BNC2: variants seen among roughly 807,000 people sequenced by gnomAD.
BNC2 encodes the protein zinc finger protein basonuclin-2.
In BNC2, 20 loss-of-function variants were observed where a neutral mutation model predicts 76.3. The ratio of observed to expected loss-of-function variants is 0.26; its 90% CI spans 0.18 to 0.38. The LOEUF is 0.38. Among genes scored for constraint, BNC2 ranks in the 10% least tolerant of loss-of-function variants. The pLI is 1.00. For synonymous variants in BNC2, 582 were observed against 514.8 expected (o/e 1.13, Z -1.77); for missense variants, 1,382 against 1,399.8 (o/e 0.99, Z 0.20).
At chr9:16,487,075 A>G (rs1022162958) in intron 5 of BNC2, among the ~76,000 whole-genome samples, 2 of 152,304 alleles carry the variant, frequency 1.3e-5, no homozygotes, top group African/African-American at 4.8e-5. Flanking sequence ...CACTTTCTAT[A>G]TTCCCCTTTT....
intron 3 of BNC2, among the ~76,000 whole-genome samples, chr9:16,696,833 G>A (rs993907019): frequency 1.3e-5 from 2 of 152,134 alleles, no homozygotes; most frequent in African/African-American, 4.8e-5. Flanking sequence ...AGAAACTCAA[G>A]ATGCAAAAAG....
chr9:16,755,712 C>T (rs1446521150), intron 1 of BNC2, among the ~76,000 whole-genome samples: 2 of 152,176 alleles, frequency 1.3e-5, no homozygotes, highest in Non-Finnish European at 2.9e-5. Context: ...AAACTTCAAA[C>T]TTGACATCTT....
At chr9:16,799,046 G>A (rs1817721532) in intron 1 of BNC2, among the ~76,000 whole-genome samples, 1 of 152,080 alleles carries the variant, frequency 6.6e-6, no homozygotes. Flanking sequence ...CCAAGGTTCT[G>A]GGATCTGCAA....
At chr9:16,846,043 C>T (rs890410331) in intron 1 of BNC2, among the ~76,000 whole-genome samples, 9 of 149,148 alleles carry the variant, frequency 6.0e-5, no homozygotes, top group Non-Finnish European at 1.0e-4. Context: ...CGGAGGCTGA[C>T]GCAGGAGAAT....
intron 3 of BNC2, among the ~76,000 whole-genome samples, chr9:16,635,763 A>G (rs1184848304): frequency 6.6e-6 from 1 of 152,250 alleles, no homozygotes; most frequent in African/African-American, 2.4e-5. Context: ...GATAAGCTAC[A>G]GAAATGTTTA....
At chr9:16,776,419 G>A (rs1452800727) in intron 1 of BNC2, among the ~76,000 whole-genome samples, 1 of 152,040 alleles carries the variant, frequency 6.6e-6, no homozygotes, top group Non-Finnish European at 1.5e-5. Flanking sequence ...GGATTACAGG[G>A]GTGACCCACA....
In BNC2 at chr9:16,834,665, G is replaced by A. The variant is rs1018599131; in HGVS notation, c.3+35981C>T. The stretch of plus-strand genomic sequence containing the variant: ...TTTTGCCTGATTATCTAATAATACC[G>A]GTCTCCTCACCCATTTGTGAACTCC... On this transcript the variant is annotated intron_variant, in intron 1 of 6. Transcript: ENST00000380672. 5.3e-5 allele frequency among the ~76,000 whole-genome samples: 8 copies of A among 152,122 alleles called. No individual in the cohort carries two copies. In the East Asian group the frequency reaches 1.2e-3, roughly 22 times the overall value.
rs1457883703 is a variant in BNC2 at position 16,687,626 on chromosome 9, A to G, written c.330+40171T>C. Among the ~76,000 whole-genome samples the G allele has an allele frequency of 2.0e-5, 3 of 152,318 alleles. No homozygotes were observed. The South Asian group carries it at 6.2e-4, about 32-fold the overall frequency. ...CCCAAAACCTTATTATAAAACCTCA[A>G]TAAATGGGACTTAACTAAGGCAGAT... On this transcript the variant is annotated intron_variant, in intron 3 of 6. Transcript: ENST00000380672.
At chr9:16,846,460 G>C (rs958319715) in intron 1 of BNC2, among the ~76,000 whole-genome samples, 1 of 152,132 alleles carries the variant, frequency 6.6e-6, no homozygotes, top group South Asian at 2.1e-4. Context: ...GACTAGAATC[G>C]TGTAAGTCCA....
chr9:16,599,885 C>T (rs973971928), intron 3 of BNC2, among the ~76,000 whole-genome samples: 1 of 152,238 alleles, frequency 6.6e-6, no homozygotes, highest in Non-Finnish European at 1.5e-5. Context: ...GGTGCTTCCA[C>T]TTCTTCCATA....
chr9:16,757,439 G>A (rs189090598), intron 1 of BNC2, among the ~76,000 whole-genome samples: 4 of 152,122 alleles, frequency 2.6e-5, no homozygotes, highest in Non-Finnish European at 5.9e-5. Flanking sequence ...ATGCCCTGGC[G>A]CTTGAGTCCA....
chr9:16,664,696 A>C (rs1173491538), intron 3 of BNC2, among the ~76,000 whole-genome samples: 6 of 136,904 alleles, frequency 4.4e-5, no homozygotes, highest in African/African-American at 1.9e-4. Flanking sequence ...TCAGGAAAAA[A>C]ACAAAAACAA....
intron 1 of BNC2, among the ~76,000 whole-genome samples, chr9:16,765,127 G>A (rs775431184): frequency 6.6e-6 from 1 of 152,206 alleles, no homozygotes. Context: ...ACACTCTATC[G>A]TACACAAATA....
In BNC2 at chr9:16,435,649, T is replaced by C; in HGVS notation, c.2545A>G (p.Lys849Glu). 1 of 1,614,208 alleles carries C rather than the reference T, an allele frequency of 6.2e-7. No individual in the cohort carries two copies. The highest frequency in any genetic ancestry group is 8.5e-7 in the Non-Finnish European group (1 of 1,180,040). The change falls in exon 6 of 7, where the codon AAA becomes GAA. Residue 849 changes from lysine (K) to glutamate (E), a missense_variant. This residue lies in a region of BNC2 where 798 missense variants were observed against 775.5 expected (regional missense o/e 1.03). Transcript: ENST00000380672. Reference protein sequence around the residue: ...KKSFKSSYSVKLHYRNVHLKE... With the variant: ...KKSFKSSYSVELHYRNVHLKE... ...AAGTGAACGTTCCTGTAGTGAAGTTTCACACTGTAGGAGCTTTTGAAACTC... is the reference window on the plus strand; with the variant it reads ...AAGTGAACGTTCCTGTAGTGAAGTTCCACACTGTAGGAGCTTTTGAAACTC...
chr9:16,666,173 T>C (rs887765092), intron 3 of BNC2, among the ~76,000 whole-genome samples: 28 of 152,214 alleles, frequency 1.8e-4, no homozygotes, highest in Non-Finnish European at 2.2e-4. Context: ...ATTTTTCCCA[T>C]AAAATACATT....
chr9:16,571,958 GA>G (rs1819337057), intron 4 of BNC2, among the ~76,000 whole-genome samples: 1 of 151,940 alleles, frequency 6.6e-6, no homozygotes, highest in Non-Finnish European at 1.5e-5. Context: ...TGGCATGTCA[GA>G]AAAAACACCT....
intron 5 of BNC2, among the ~76,000 whole-genome samples, chr9:16,441,351 C>T (rs1009640247): frequency 6.6e-6 from 1 of 152,206 alleles, no homozygotes; most frequent in South Asian, 2.1e-4. Context: ...TAATTCACCA[C>T]ATTTATAAAT....
rs570112261 is a variant in BNC2 at position 16,731,753 on chromosome 9, G to T, written c.130-3756C>A. Among the ~76,000 whole-genome samples, 52 of 151,974 alleles carry T rather than the reference G, an allele frequency of 3.4e-4. 1 individual carries two copies. The South Asian group carries it at 0.01, about 30-fold the overall frequency. On this transcript the variant is annotated intron_variant, in intron 2 of 6. Transcript: ENST00000380672. ...ATTAAACATTTTCCCTGTAACTTTCGAGCTGACACCTTATTAAGCATTTCA... is the reference window on the plus strand; with the variant it reads ...ATTAAACATTTTCCCTGTAACTTTCTAGCTGACACCTTATTAAGCATTTCA...
intron 1 of BNC2, among the ~76,000 whole-genome samples, chr9:16,743,826 C>T (rs2044474909): frequency 6.6e-6 from 1 of 152,158 alleles, no homozygotes; most frequent in African/African-American, 2.4e-5. Flanking sequence ...CATAAAGAGG[C>T]TTATGGTGTC....
Sources: gnomAD v4.1 joint callset for allele counts (sites outside exome capture counted in the v4.1 genomes callset) on GRCh38, gnomAD v4.1.1 for gene constraint, gnomAD v4.1.1 regional missense constraint, MANE v1.5 for transcripts, NCBI Gene and HGNC (gene_info 2026-07-23, HGNC 2026-07-21) for gene names.